Variants in LRP1B observed in about 807,000 individuals in gnomAD.
LRP1B encodes low-density lipoprotein receptor-related protein 1B.
In LRP1B, 217 loss-of-function variants were observed where a neutral mutation model predicts 556.6. That is an observed-to-expected ratio of 0.39 (90% CI 0.35 to 0.44). The LOEUF (loss-of-function observed/expected upper bound fraction) is 0.44, where lower values mean the gene tolerates loss of function less well. Among genes scored for constraint, LRP1B ranks in the 20% least tolerant of loss-of-function variants. The pLI, the probability that LRP1B is intolerant of heterozygous loss-of-function variation, is 1.00. For synonymous variants in LRP1B, 2,047 were observed against 1,865.8 expected, an observed-to-expected ratio of 1.10 and a Z score of -2.50; for missense variants, 5,053 against 5,620.8, an observed-to-expected ratio of 0.90 and a Z score of 3.23.
rs533928632 is a variant in LRP1B at position 141,569,945 on chromosome 2, T to A, written c.206-89412A>T. Among the ~76,000 whole-genome samples the A allele has an allele frequency of 3.8e-3, 577 of 151,284 alleles. 29 individuals are homozygous for A. The highest frequency in any genetic ancestry group is 0.014 in the Middle Eastern group (4 of 292). ...ATTTTAAGATATTTGTAAGATATTTTAAAAGGGCCAGATGCAGTGGCTCAT... is the reference window on the plus strand; with the variant it reads ...ATTTTAAGATATTTGTAAGATATTTAAAAAGGGCCAGATGCAGTGGCTCAT... On this transcript the variant is annotated intron_variant, in intron 2 of 90. Transcript: ENST00000389484.
rs151145251 is a variant in LRP1B, at chr2:141,093,792, G to A, written c.1014-31519C>T. 3.6e-3 allele frequency among the ~76,000 whole-genome samples: 541 copies of A among 151,826 alleles called. 10 individuals are homozygous for A. The highest frequency in any genetic ancestry group is 0.029 in the Admixed American group (440 of 15,252). ...TGCAGTGACGCAATCTCTGCTCACT[G>A]CAACCTCCACCCCCCGGGTTCAATC... On this transcript the variant is annotated intron_variant, in intron 7 of 90. Transcript: ENST00000389484.
intron 3 of LRP1B, among the ~76,000 whole-genome samples, chr2:141,294,159 C>G (rs1686089152): frequency 6.6e-6 from 1 of 151,956 alleles, no homozygotes; most frequent in Non-Finnish European, 1.5e-5. Flanking sequence ...ACAAAAATAT[C>G]TTTTTATTTT....
chr2:141,404,339 T>C (rs1690549907), intron 3 of LRP1B, among the ~76,000 whole-genome samples: 1 of 152,150 alleles, frequency 6.6e-6, no homozygotes, highest in Non-Finnish European at 1.5e-5. Flanking sequence ...TGCTTCTGAA[T>C]CACCATGCAT....
rs545773691 is a variant in LRP1B, at chr2:140,319,349, CTAAATGCCTCTCT to C, written c.12640+2601_12640+2613del. On this transcript the variant is annotated intron_variant, in intron 82 of 90. Transcript: ENST00000389484. ...TCTGTGCATTATCCTAATCTCTCTCCTAAATGCCTCTCTCACCCAAATTTTCTAAGTAGATACA... is the reference window on the plus strand; with the variant it reads ...TCTGTGCATTATCCTAATCTCTCTCCCACCCAAATTTTCTAAGTAGATACA... 8.5e-4 allele frequency among the ~76,000 whole-genome samples: 129 copies of C among 152,248 alleles called. 2 individuals carry two copies. Among genetic ancestry groups the C allele is most frequent in the African/African-American group, 3.1e-3 (127 of 41,558 alleles).
rs115022970 is a variant in LRP1B, at chr2:141,851,549, G to A, written c.83-41148C>T. Among the ~76,000 whole-genome samples the A allele has an allele frequency of 7.2e-3, 1,101 of 151,886 alleles. 9 individuals are homozygous for A. The highest frequency in any genetic ancestry group is 0.014 in the Middle Eastern group (4 of 294). ...ATCGAAACACAGCTTGGAATAAAAT[G>A]CATTAGCAATGCAAACATAAAATTA... On this transcript the variant is annotated intron_variant, in intron 1 of 90. Transcript: ENST00000389484.
intron 3 of LRP1B, among the ~76,000 whole-genome samples, chr2:141,396,356 G>A (rs1322744943): frequency 6.6e-6 from 1 of 152,106 alleles, no homozygotes; most frequent in East Asian, 1.9e-4. Context: ...AGAATATCAG[G>A]ACCTAAGCAA....
At chr2:140,290,011 C>G (rs1683308777) in intron 84 of LRP1B, among the ~76,000 whole-genome samples, 2 of 151,984 alleles carry the variant, frequency 1.3e-5, no homozygotes, top group African/African-American at 2.4e-5. Context: ...CTGGGCCTAC[C>G]AGTCTGTAAA....
chr2:140,853,300 C>A (rs1411150936), intron 27 of LRP1B, among the ~76,000 whole-genome samples: 2 of 152,070 alleles, frequency 1.3e-5, no homozygotes, highest in Non-Finnish European at 1.5e-5. Context: ...CTAAGTTTCC[C>A]CAGTTTATTA....
intron 1 of LRP1B, among the ~76,000 whole-genome samples, chr2:141,829,647 G>A (rs1243091419): frequency 1.3e-5 from 2 of 151,980 alleles, no homozygotes; most frequent in Non-Finnish European, 2.9e-5. Context: ...AAGGAACAGA[G>A]GGAAAGTCTG....
intron 32 of LRP1B, among the ~76,000 whole-genome samples, chr2:140,781,607 C>G (rs1046257587): frequency 2.0e-5 from 3 of 152,120 alleles, no homozygotes; most frequent in African/African-American, 7.2e-5. Context: ...GTAATAGAGA[C>G]AGACATAGAT....
chr2:140,997,880 A>G (rs181525034), intron 15 of LRP1B, among the ~76,000 whole-genome samples: 31 of 152,076 alleles, frequency 2.0e-4, no homozygotes, highest in African/African-American at 7.0e-4. Context: ...TCTCCTTTAG[A>G]TCATAGCAGG....
At chr2:142,043,886 C>T (rs1311790726) in intron 1 of LRP1B, among the ~76,000 whole-genome samples, 1 of 151,642 alleles carries the variant, frequency 6.6e-6, no homozygotes, top group Non-Finnish European at 1.5e-5. Flanking sequence ...CCATAGAATA[C>T]AATAGGTGAG....
chr2:141,300,557 C>T lies in LRP1B; in HGVS notation c.344-45916G>A, dbSNP rs140087486. Among the ~76,000 whole-genome samples, 255 of 152,286 alleles carry T rather than the reference C, an allele frequency of 1.7e-3. 1 individual carries two copies. The highest frequency in any genetic ancestry group is 2.6e-3 in the Non-Finnish European group (179 of 68,014). ...TAGCCTCAATGTTGAAGGTGAGCTT[C>T]GTGGCTGATTATATCATTGGGGTGG... is the stretch of plus-strand genomic sequence containing the variant. On this transcript the variant is annotated intron_variant, in intron 3 of 90. Coordinates refer to ENST00000389484, the MANE Select transcript of LRP1B (RefSeq NM_018557.3).
At chr2:141,054,301 T>C (rs1210824881) in intron 10 of LRP1B, among the ~76,000 whole-genome samples, 1 of 151,874 alleles carries the variant, frequency 6.6e-6, no homozygotes, top group Non-Finnish European at 1.5e-5. Flanking sequence ...AACTGGACAC[T>C]GTAAAAAGCA....
At chr2:140,581,680 C>A (rs144709965) in intron 43 of LRP1B, among the ~76,000 whole-genome samples, 19 of 152,014 alleles carry the variant, frequency 1.2e-4, no homozygotes, top group Non-Finnish European at 2.2e-4. Context: ...GAAACTGAAA[C>A]TATCAAATTA....
chr2:140,856,175 G>A (rs556511962), intron 27 of LRP1B, among the ~76,000 whole-genome samples: 4 of 151,958 alleles, frequency 2.6e-5, no homozygotes, highest in Admixed American at 6.6e-5. Context: ...AAATGTATTC[G>A]TCACTATTCC....
chr2:140,685,446 G>T (rs1473360596), intron 41 of LRP1B, among the ~76,000 whole-genome samples: 1 of 152,110 alleles, frequency 6.6e-6, no homozygotes, highest in Non-Finnish European at 1.5e-5. Flanking sequence ...GAAAACTGAG[G>T]CAAGGAGAAG....
intron 41 of LRP1B, among the ~76,000 whole-genome samples, chr2:140,645,696 G>A (rs937062930): frequency 2.0e-5 from 3 of 151,328 alleles, no homozygotes; most frequent in Non-Finnish European, 4.4e-5. Flanking sequence ...CTGCCACGAC[G>A]CCCGGCTAAT....
At chr2:140,279,474 C>G (rs944481633) in intron 84 of LRP1B, among the ~76,000 whole-genome samples, 1 of 151,912 alleles carries the variant, frequency 6.6e-6, no homozygotes, top group Non-Finnish European at 1.5e-5. Flanking sequence ...CCCTTCACAT[C>G]TATAATGCAC....
Sources: allele counts gnomAD v4.1 joint callset (sites outside exome capture counted in the v4.1 genomes callset), GRCh38; gene constraint gnomAD v4.1.1; transcripts MANE v1.5; gene names NCBI Gene and HGNC (gene_info 2026-07-23, HGNC 2026-07-21).